The following DENND4A variants were observed in gnomAD, a reference collection of about 807,000 sequenced individuals.
The protein encoded by DENND4A is C-myc promoter-binding protein.
In DENND4A, 70 loss-of-function variants were observed where a neutral mutation model predicts 199.3. The ratio of observed to expected loss-of-function variants is 0.35; its 90% CI spans 0.29 to 0.43. DENND4A has a LOEUF of 0.43. Ranked by LOEUF, DENND4A falls within the 20% of genes least tolerant of loss-of-function variation. The probability of loss-of-function intolerance (pLI) is 1.00; values close to 1 mark genes in which losing one functional copy is unlikely to be tolerated. For synonymous variants in DENND4A, 686 were observed against 766.9 expected, an observed-to-expected ratio of 0.89 and a Z score of 1.74; for missense variants, 1,723 against 2,255.8, an observed-to-expected ratio of 0.76 and a Z score of 4.78.
chr15:65,668,178 A>G, intron 27 of DENND4A, 55 bp from the exon 28 acceptor site: 1 of 1,255,710 alleles, frequency 8.0e-7, no homozygotes, highest in Non-Finnish European at 1.1e-6. Context: ...ACTTTACTTC[A>G]TCAACAAGGA....
In DENND4A at chr15:65,725,367, T is replaced by C. The variant is rs543967350; in HGVS notation, c.1488-2419A>G. 2.0e-5 allele frequency among the ~76,000 whole-genome samples: 3 copies of C among 152,298 alleles called. No homozygotes were observed. In the South Asian group the frequency reaches 6.2e-4, roughly 32 times the overall value. ...TTAAAAATCTAAGCTTTGGTTTCCT[T>C]GTCAGAAGGGTTAATAAGAACTACC... is the stretch of plus-strand genomic sequence containing the variant. On this transcript the variant is annotated intron_variant, in intron 11 of 32. Coordinates refer to ENST00000443035, the MANE Select transcript of DENND4A (RefSeq NM_001320835.1).
chr15:65,768,569 A>C (rs545111633), intron 1 of DENND4A, among the ~76,000 whole-genome samples: 21 of 152,344 alleles, frequency 1.4e-4, no homozygotes, highest in Non-Finnish European at 2.6e-4. Flanking sequence ...ATGGAAGGAC[A>C]TATAAAGTGT....
rs549710253 is a variant in DENND4A at position 65,698,363 on chromosome 15, C to G, written c.2834-980G>C. 3.3e-5 allele frequency among the ~76,000 whole-genome samples: 5 copies of G among 152,234 alleles called. No individual in the cohort carries two copies. The East Asian group carries it at 7.7e-4, about 23-fold the overall frequency. The stretch of plus-strand genomic sequence containing the variant: ...ATCATTTTTAGAAAATCGTTTTCAC[C>G]AGATTAGTCACAAAAGATAAAGTTT... On this transcript the variant is annotated intron_variant, in intron 20 of 32. Coordinates refer to ENST00000443035, the MANE Select transcript of DENND4A (RefSeq NM_001320835.1).
At chr15:65,731,019 G>A (rs2075941276) in intron 9 of DENND4A, among the ~76,000 whole-genome samples, 1 of 152,038 alleles carries the variant, frequency 6.6e-6, no homozygotes, top group Admixed American at 6.5e-5. Context: ...ACTCTGGGCT[G>A]AGAGCTAGTG....
chr15:65,707,531 A>G (rs1268313686), intron 14 of DENND4A, among the ~76,000 whole-genome samples: 3 of 152,208 alleles, frequency 2.0e-5, no homozygotes, highest in Non-Finnish European at 2.9e-5. Context: ...ATTATATGCT[A>G]TACTCTCTTG....
Position 65,676,599 on chromosome 15 carries a change from C to CA in DENND4A, c.4214dup (p.Ala1407SerfsTer5). The CA allele has an allele frequency of 6.2e-7, 1 of 1,613,086 alleles. No homozygotes were observed. The highest frequency in any genetic ancestry group is 8.5e-7 in the Non-Finnish European group (1 of 1,179,532). Reference sequence around the variant, plus strand: ...AGGTAGATTCAGAATCCTGGGCTCCCACTGAAGAAAGACTGGTACGATCAG... The same window carrying CA: ...AGGTAGATTCAGAATCCTGGGCTCCCAACTGAAGAAAGACTGGTACGATCAG... On this transcript the variant is annotated frameshift_variant, in exon 24 of 33. Transcript: ENST00000443035. LOFTEE classifies it high-confidence loss of function.
Position 65,756,194 on chromosome 15 carries a change from T to C in DENND4A, c.257A>G (p.Gln86Arg). ...TCCTCTTCTATAGCAAAGGTAAATCTGTGGCCCCACAAGACTTCCATTATT... is the reference window on the plus strand; with the variant it reads ...TCCTCTTCTATAGCAAAGGTAAATCCGTGGCCCCACAAGACTTCCATTATT... ...DLNNGSLVGP[Q>R]IYLCYRRGRD... The change falls in exon 3 of 33, where the codon CAG (glutamine) becomes CGG (arginine). Residue 86 changes from glutamine (Q) to arginine (R), a missense_variant. Transcript: ENST00000443035. The C allele has an allele frequency of 6.2e-7, 1 of 1,611,564 alleles. No homozygotes were observed. Among genetic ancestry groups the C allele is most frequent in the Non-Finnish European group, 8.5e-7 (1 of 1,178,696 alleles).
At chr15:65,698,299 A>G (rs2077221842) in intron 20 of DENND4A, among the ~76,000 whole-genome samples, 1 of 150,674 alleles carries the variant, frequency 6.6e-6, no homozygotes, top group African/African-American at 2.4e-5. Context: ...TCAATATAAA[A>G]AAATTTTCTA....
intron 15 of DENND4A, chr15:65,705,890 T>C (rs2075033696): frequency 5.0e-6 from 3 of 597,776 alleles, no homozygotes; most frequent in Admixed American, 6.3e-5. Context: ...GCTTCCCAAG[T>C]CTATATTATG....
At chr15:65,772,009 C>T (rs773308037) in intron 1 of DENND4A, 29 of 1,452,584 alleles carry the variant, frequency 2.0e-5, no homozygotes, top group South Asian at 3.5e-5. Context: ...TTTGTTTATG[C>T]GCAGGCCAAG....
rs1296615578 is a variant in DENND4A at position 65,706,126 on chromosome 15, G to A, written c.2052C>T (p.His684=). The change falls in exon 15 of 33, where the codon CAC becomes CAT. Residue 684 remains histidine (H), a synonymous_variant. Coordinates refer to ENST00000443035, the MANE Select transcript of DENND4A (RefSeq NM_001320835.1). ...TVFVTPPEIP[H]LPNGEEPPLQ... is the part of the protein sequence containing the mutation. ...AAGGGGGTTCTTCACCATTGGGTAG[G>A]TGGGGGATCTCAGGTGGTGTTACAA... is the stretch of plus-strand genomic sequence containing the variant. 2.5e-6 allele frequency: 4 copies of A among 1,606,802 alleles called. No homozygotes were observed. In the African/African-American group the frequency reaches 4.0e-5, roughly 16 times the overall value.
At chr15:65,662,548 C>G (rs952544392) in intron 32 of DENND4A, among the ~76,000 whole-genome samples, 1 of 151,928 alleles carries the variant, frequency 6.6e-6, no homozygotes, top group Non-Finnish European at 1.5e-5. Context: ...GACGTTATAC[C>G]AAGGTCTGTG....
chr15:65,680,019 C>T (rs2076517853), intron 23 of DENND4A, among the ~76,000 whole-genome samples: 1 of 152,200 alleles, frequency 6.6e-6, no homozygotes, highest in Non-Finnish European at 1.5e-5. Context: ...CTCTCCTTCA[C>T]TCTTAGTACT....
intron 23 of DENND4A, among the ~76,000 whole-genome samples, chr15:65,682,215 G>T (rs1210321721): frequency 6.6e-6 from 1 of 152,156 alleles, no homozygotes; most frequent in Non-Finnish European, 1.5e-5. Context: ...TCCTAGATGG[G>T]CATCTTCTTC....
At chr15:65,755,246 G>A (rs1366301849) in intron 3 of DENND4A, among the ~76,000 whole-genome samples, 1 of 152,114 alleles carries the variant, frequency 6.6e-6, no homozygotes, top group Non-Finnish European at 1.5e-5. Flanking sequence ...TAGGAAATTG[G>A]GTAGCAACTA....
chr15:65,717,805 C>T lies in DENND4A; in HGVS notation c.1780G>A (p.Asp594Asn). 1 of 1,605,702 alleles carries T rather than the reference C, an allele frequency of 6.2e-7. No individual in the cohort carries two copies. The highest frequency in any genetic ancestry group is 8.5e-7 in the Non-Finnish European group (1 of 1,175,760). Residue 594 changes from aspartate (D) to asparagine (N), a missense_variant, in exon 13 of 33, where the codon GAT becomes AAT. By Grantham distance (23) the Asp-to-Asn change is conservative. This residue lies in a region of DENND4A where 725 missense variants were observed against 952.9 expected (regional missense o/e 0.76). Transcript: ENST00000443035. Reference protein sequence around the residue: ...ITQAPSETATDAASLFALQAF... With the variant: ...ITQAPSETATNAASLFALQAF... The stretch of plus-strand genomic sequence containing the variant: ...TGTAGGGCAAAGAGAGAGGCTGCAT[C>T]TGTGGCTGTCTCAGATGGGGCTTGT...
chr15:65,714,434 A>C (rs1044429037), intron 14 of DENND4A, among the ~76,000 whole-genome samples: 75 of 142,946 alleles, frequency 5.2e-4, no homozygotes, highest in South Asian at 2.0e-3. Context: ...CAAAAAAAAA[A>C]CCCAAAAACT....
chr15:65,732,529 C>T (rs754100660), intron 8 of DENND4A, among the ~76,000 whole-genome samples: 1 of 152,092 alleles, frequency 6.6e-6, no homozygotes, highest in Admixed American at 6.6e-5. Context: ...TCTACTTCAA[C>T]CTACTTCTTT....
chr15:65,695,337 GTTCC>G (rs2077108435), intron 22 of DENND4A, among the ~76,000 whole-genome samples: 2 of 152,186 alleles, frequency 1.3e-5, no homozygotes, highest in Non-Finnish European at 2.9e-5. Context: ...GCATGTCTGT[GTTCC>G]CAGAACTTTA....
Sources: allele counts gnomAD v4.1 joint callset (sites outside exome capture counted in the v4.1 genomes callset), GRCh38; gene constraint gnomAD v4.1.1; regional missense constraint gnomAD v4.1.1; transcripts MANE v1.5; gene names NCBI Gene and HGNC (gene_info 2026-07-23, HGNC 2026-07-21).